The following EYS variants were observed in gnomAD, a reference collection of about 807,000 sequenced individuals.
EYS encodes the protein EGF-like photoreceptor maintenance factor.
Under a neutral mutation model 282.1 loss-of-function variants are expected in EYS, and 250 were observed. The ratio of observed to expected loss-of-function variants is 0.89; its 90% confidence interval spans 0.80 to 0.98. The LOEUF (loss-of-function observed/expected upper bound fraction) is 0.98. Ranked by LOEUF, EYS falls within the 50% of genes least tolerant of loss-of-function variation. EYS has a pLI of 0.00. For missense variants in EYS, 4,016 were observed against 3,709.0 expected (o/e 1.08, Z -2.15); for synonymous variants, 1,355 against 1,282.9 (o/e 1.06, Z -1.20).
rs1582111318 is a variant in EYS at position 65,296,032 on chromosome 6, G to T, written c.1854C>A (p.Gly618=). The change falls in exon 12 of 43, where the codon GGC becomes GGA. Residue 618 remains glycine, a synonymous_variant. Coordinates refer to ENST00000503581, the MANE Select transcript of EYS (RefSeq NM_001142800.2). ...CLGNHSISVH[G]LCLALSHNCN... ...AATTGTGCGAAAGGGCCAGGCAGAG[G>T]CCATGCACTGATATACTGTGGTTCC... 3 of 1,550,976 alleles carry T rather than the reference G, an allele frequency of 1.9e-6. No individual in the cohort carries two copies. The highest frequency in any genetic ancestry group is 4.9e-5 in the East Asian group (2 of 40,904).
intron 8 of EYS, 34 bp downstream of exon 8, chr6:65,384,352 G>T: frequency 1.7e-6 from 2 of 1,202,588 alleles, no homozygotes; most frequent in Non-Finnish European, 2.5e-6. Flanking sequence ...ATTTTGAAGG[G>T]CTAACTTATG....
intron 29 of EYS, among the ~76,000 whole-genome samples, chr6:64,388,146 G>A (rs1022601622): frequency 1.3e-5 from 2 of 152,194 alleles, no homozygotes; most frequent in African/African-American, 4.8e-5. Flanking sequence ...ATTTAAGTCA[G>A]CTTTCAAGCT....
chr6:63,750,253 C>A (rs1467145556), intron 41 of EYS, among the ~76,000 whole-genome samples: 3 of 152,080 alleles, frequency 2.0e-5, no homozygotes, highest in African/African-American at 7.3e-5. Flanking sequence ...TATCTGCATT[C>A]GTTAGGGTTG....
chr6:65,487,175 T>G (rs1467819687), intron 5 of EYS, among the ~76,000 whole-genome samples: 5 of 152,190 alleles, frequency 3.3e-5, no homozygotes, highest in African/African-American at 1.2e-4. Flanking sequence ...TTCCTTCTCT[T>G]GCCTGATTGC....
chr6:65,136,693 C>A (rs759800521), intron 12 of EYS, among the ~76,000 whole-genome samples: 6 of 151,948 alleles, frequency 3.9e-5, no homozygotes, highest in Admixed American at 6.6e-5. Context: ...TATAATTTTT[C>A]TTCCTTTTTC....
At chr6:63,768,480 C>G (rs974451437) in intron 40 of EYS, among the ~76,000 whole-genome samples, 1 of 151,976 alleles carries the variant, frequency 6.6e-6, no homozygotes, top group African/African-American at 2.4e-5. Context: ...AAGTAATGCT[C>G]AACATCACTA....
intron 12 of EYS, among the ~76,000 whole-genome samples, chr6:65,078,485 A>G (rs1340856137): frequency 6.6e-6 from 1 of 152,084 alleles, no homozygotes; most frequent in Non-Finnish European, 1.5e-5. Flanking sequence ...AAAAAAAAGT[A>G]AAGGTCAAAG....
intron 12 of EYS, among the ~76,000 whole-genome samples, chr6:65,169,407 C>A (rs2150226399): frequency 6.6e-6 from 1 of 151,442 alleles, no homozygotes; most frequent in East Asian, 2.0e-4. Flanking sequence ...ATTGCTATAT[C>A]TAAAATGTTT....
intron 35 of EYS, among the ~76,000 whole-genome samples, chr6:63,906,960 G>A (rs929611488): frequency 6.6e-6 from 1 of 151,842 alleles, no homozygotes; most frequent in African/African-American, 2.4e-5. Flanking sequence ...ATAGACTGAG[G>A]AACACTGGTC....
rs181716176 is a variant in EYS at position 65,135,625 on chromosome 6, A to T, written c.2024-77898T>A. On this transcript the variant is annotated intron_variant, in intron 12 of 42. Transcript: ENST00000503581. ...CTAAACACTTACAAGTCTGTTAAAT[A>T]TCACTTCAGTTAACAGTGAAATAGT... Among the ~76,000 whole-genome samples the T allele has an allele frequency of 6.2e-4, 94 of 152,074 alleles. No homozygotes were observed. In the East Asian group the frequency reaches 7.9e-3, roughly 13 times the overall value.
At chr6:63,844,502 A>G (rs1489998391) in intron 36 of EYS, among the ~76,000 whole-genome samples, 3 of 151,762 alleles carry the variant, frequency 2.0e-5, no homozygotes, top group East Asian at 1.9e-4. Flanking sequence ...TTTCTCCACA[A>G]CCTCTCCAGC....
intron 26 of EYS, among the ~76,000 whole-genome samples, chr6:64,551,446 A>G (rs1183221897): frequency 1.3e-5 from 2 of 151,882 alleles, no homozygotes; most frequent in African/African-American, 4.8e-5. Context: ...AAATCAATTC[A>G]GAAAAATAAT....
At chr6:64,896,920 G>C (rs1767493555) in intron 18 of EYS, among the ~76,000 whole-genome samples, 1 of 152,142 alleles carries the variant, frequency 6.6e-6, no homozygotes, top group Non-Finnish European at 1.5e-5. Context: ...CTCCTCTCTG[G>C]GCAGGGCATC....
At chr6:65,238,950 T>C (rs1375550913) in intron 12 of EYS, among the ~76,000 whole-genome samples, 1 of 152,038 alleles carries the variant, frequency 6.6e-6, no homozygotes, top group African/African-American at 2.4e-5. Flanking sequence ...AAAAAAGTTA[T>C]TGGAAGAATG....
intron 28 of EYS, among the ~76,000 whole-genome samples, chr6:64,401,657 C>A (rs150455725): frequency 6.6e-6 from 1 of 151,704 alleles, no homozygotes; most frequent in Admixed American, 6.6e-5. Context: ...AAAATATATT[C>A]ATTAGCTTAA....
chr6:64,150,767 A>G (rs993002688), intron 31 of EYS, among the ~76,000 whole-genome samples: 6 of 152,140 alleles, frequency 3.9e-5, no homozygotes, highest in Admixed American at 2.6e-4. Context: ...AGGCCAAGGA[A>G]GGAGAATTGC....
At chr6:65,278,902 C>T (rs1280219859) in intron 12 of EYS, among the ~76,000 whole-genome samples, 1 of 151,990 alleles carries the variant, frequency 6.6e-6, no homozygotes, top group Non-Finnish European at 1.5e-5. Flanking sequence ...TAATATGATA[C>T]CTGTGGCCCA....
chr6:65,672,968 C>G (rs1768446046), intron 1 of EYS, among the ~76,000 whole-genome samples: 1 of 151,936 alleles, frequency 6.6e-6, no homozygotes, highest in African/African-American at 2.4e-5. Context: ...GCAGGGGTCA[C>G]AAGGTGCTCA....
At position 64,388,796 on chromosome 6, in the gene EYS, C is replaced by T. The variant is rs1229067873; in HGVS notation, c.5972G>A (p.Arg1991Lys). 4.5e-6 allele frequency: 7 copies of T among 1,542,678 alleles called. No individual in the cohort carries two copies. In the Admixed American group the frequency reaches 1.4e-4, roughly 31 times the overall value. Reference sequence around the variant, plus strand: ...GATAGATTCGCATATTTGTGTATTCCTCCCTAAAATAGTCAGCTCAGCGTT... The same window carrying T: ...GATAGATTCGCATATTTGTGTATTCTTCCCTAAAATAGTCAGCTCAGCGTT... The part of the protein sequence containing the change: ...PCNAELTILG[R>K]NTQICESINH... The change falls in exon 29 of 43, where the codon AGG becomes AAG. Residue 1991 changes from arginine (R) to lysine (K), a missense_variant. Arg to Lys is a conservative substitution (Grantham distance 26). Coordinates refer to ENST00000503581, the MANE Select transcript of EYS (RefSeq NM_001142800.2).
Sources: allele counts gnomAD v4.1 joint callset (sites outside exome capture counted in the v4.1 genomes callset), GRCh38; gene constraint gnomAD v4.1.1; transcripts MANE v1.5; gene names NCBI Gene and HGNC (gene_info 2026-07-23, HGNC 2026-07-21).